Variants in FAM169A observed in about 807,000 individuals in gnomAD.
The protein encoded by FAM169A is family with sequence similarity 169 member A.
Under a neutral mutation model 75.7 loss-of-function variants are expected in FAM169A, and 24 were observed. The observed-to-expected ratio is 0.32, with a 90% CI of 0.23 to 0.45. The LOEUF (loss-of-function observed/expected upper bound fraction) is 0.45, where lower values mean the gene tolerates loss of function less well. Among genes scored for constraint, FAM169A ranks in the 20% least tolerant of loss-of-function variants. The probability of loss-of-function intolerance (pLI) is 1.00; values close to 1 mark genes in which losing one functional copy is unlikely to be tolerated. For synonymous variants in FAM169A, 271 were observed against 271.0 expected, an observed-to-expected ratio of 1.00 and a Z score of 0.00; for missense variants, 673 against 784.0, an observed-to-expected ratio of 0.86 and a Z score of 1.69.
chr5:74,813,309 A>G (rs1358471371), intron 6 of FAM169A, among the ~76,000 whole-genome samples: 1 of 151,852 alleles, frequency 6.6e-6, no homozygotes, highest in Non-Finnish European at 1.5e-5. Flanking sequence ...ATATTATGGC[A>G]TATGTTGTTT....
At position 74,801,031 on chromosome 5, in the gene FAM169A, CT is replaced by C; in HGVS notation, c.953-2del. 1 of 1,535,176 alleles carries C rather than the reference CT, an allele frequency of 6.5e-7. No individual in the cohort carries two copies. The highest frequency in any genetic ancestry group is 8.7e-7 in the Non-Finnish European group (1 of 1,143,440). ...GTGGAAACAGATGTTTTATCATGAC[CT>C]GAGGAGAAAAACAGCAAAACTGCAC... On this transcript the variant is annotated splice_acceptor_variant, in intron 9 of 12. Transcript: ENST00000687041. LOFTEE classifies it high-confidence loss of function.
chr5:74,828,497 G>A (rs1748148363), intron 5 of FAM169A, among the ~76,000 whole-genome samples: 1 of 152,114 alleles, frequency 6.6e-6, no homozygotes, highest in African/African-American at 2.4e-5. Flanking sequence ...ATACCTGAAA[G>A]TCTCCATGTG....
At chr5:74,838,310 T>C (rs995987412) in intron 4 of FAM169A, among the ~76,000 whole-genome samples, 1 of 152,108 alleles carries the variant, frequency 6.6e-6, no homozygotes, top group Non-Finnish European at 1.5e-5. Context: ...TAAATCTCAC[T>C]CTTCCAGCCA....
At chr5:74,819,646 G>C (rs1253906248) in intron 5 of FAM169A, among the ~76,000 whole-genome samples, 2 of 152,074 alleles carry the variant, frequency 1.3e-5, no homozygotes, top group Non-Finnish European at 2.9e-5. Flanking sequence ...ACAAAAAACA[G>C]AAACAACCCC....
intron 5 of FAM169A, among the ~76,000 whole-genome samples, chr5:74,819,666 T>C (rs1414446755): frequency 2.6e-5 from 4 of 152,236 alleles, no homozygotes; most frequent in African/African-American, 9.6e-5. Context: ...CAAACTGTTA[T>C]TTATCAACTG....
chr5:74,805,133 G>C, intron 7 of FAM169A, 23 bp downstream of exon 7: 1 of 1,609,388 alleles, frequency 6.2e-7, no homozygotes, highest in Non-Finnish European at 8.5e-7. Flanking sequence ...CTGAACTTAT[G>C]TTCAAACTGA....
Position 74,799,511 on chromosome 5 carries a change from T to C in FAM169A, c.1103+1369A>G. 5 of 1,581,618 alleles carry C rather than the reference T, an allele frequency of 3.2e-6. No homozygotes were observed. The South Asian group carries it at 3.3e-5, about 11-fold the overall frequency. On this transcript the variant is annotated intron_variant, in intron 10 of 12. Coordinates refer to ENST00000687041, the MANE Select transcript of FAM169A (RefSeq NM_001376049.1). ...AAACACAGAGTGTTTTCTTCCTACA[T>C]TAAAGAAGTGGATGAAAAGCTGGCC...
intron 10 of FAM169A, among the ~76,000 whole-genome samples, 169 bp downstream of exon 10, chr5:74,800,711 T>TA (rs1746527195): frequency 6.6e-6 from 1 of 151,434 alleles, no homozygotes; most frequent in South Asian, 2.1e-4. Flanking sequence ...CCTTAAATGC[T>TA]AAATACCAAA....
At chr5:74,850,901 C>A (rs1172043496) in intron 1 of FAM169A, among the ~76,000 whole-genome samples, 1 of 152,044 alleles carries the variant, frequency 6.6e-6, no homozygotes, top group Non-Finnish European at 1.5e-5. Flanking sequence ...TGCCTACTTG[C>A]ATTAGTTTTT....
At chr5:74,805,976 C>CAAAAAAAAAAAAAAAAAAAAAAAAA (rs370761667) in intron 6 of FAM169A, among the ~76,000 whole-genome samples, 2 of 85,244 alleles carry the variant, frequency 2.3e-5, no homozygotes, top group Non-Finnish European at 5.0e-5. Flanking sequence ...TTAAAAGCTC[C>CAAAAAAAAAAAAAAAAAAAAAAAAA]AAAAAAAAAA....
At chr5:74,802,845 T>C (rs1371589812) in intron 8 of FAM169A, among the ~76,000 whole-genome samples, 4 of 151,998 alleles carry the variant, frequency 2.6e-5, no homozygotes, top group African/African-American at 4.8e-5. Flanking sequence ...AACCAACTTG[T>C]AGTCCAACAA....
intron 1 of FAM169A, chr5:74,865,887 C>T (rs1750307787): frequency 6.6e-6 from 1 of 152,282 alleles, no homozygotes; most frequent in Non-Finnish European, 1.5e-5. Flanking sequence ...CGGGCATTCC[C>T]TCACACAAAA....
intron 1 of FAM169A, among the ~76,000 whole-genome samples, chr5:74,854,337 G>A (rs1580170508): frequency 6.6e-6 from 1 of 152,124 alleles, no homozygotes; most frequent in African/African-American, 2.4e-5. Flanking sequence ...GGAGGTTGCA[G>A]TGAGCCAAGA....
chr5:74,834,376 A>G, intron 5 of FAM169A, 50 bp downstream of exon 5: 1 of 1,212,608 alleles, frequency 8.2e-7, no homozygotes, highest in South Asian at 2.5e-5. Flanking sequence ...GGAGGGGTCT[A>G]AAATAGAGAT....
intron 2 of FAM169A, 100 bp from the exon 3 acceptor site, chr5:74,840,273 TTTTAA>T: frequency 2.0e-6 from 1 of 492,152 alleles, no homozygotes; most frequent in Non-Finnish European, 3.6e-6. Context: ...CCTACGTTAA[TTTTAA>T]TTTATTTTAT....
chr5:74,852,428 C>A (rs1305341244), intron 1 of FAM169A, among the ~76,000 whole-genome samples: 1 of 152,068 alleles, frequency 6.6e-6, no homozygotes, highest in African/African-American at 2.4e-5. Context: ...GAAGAAGGTA[C>A]AAGAGACAGT....
chr5:74,838,362 A>G (rs1748679480), intron 4 of FAM169A, among the ~76,000 whole-genome samples: 1 of 152,032 alleles, frequency 6.6e-6, no homozygotes. Context: ...GCCTCCTCAA[A>G]TATGTTACAT....
At chr5:74,810,338 C>T (rs1244516060) in intron 6 of FAM169A, among the ~76,000 whole-genome samples, 1 of 151,982 alleles carries the variant, frequency 6.6e-6, no homozygotes, top group Non-Finnish European at 1.5e-5. Context: ...GGGACTGGTG[C>T]ACAAAGGGAA....
chr5:74,854,592 C>T (rs997088848), intron 1 of FAM169A, among the ~76,000 whole-genome samples: 3 of 152,130 alleles, frequency 2.0e-5, no homozygotes, highest in African/African-American at 7.2e-5. Flanking sequence ...ACCAGACTCA[C>T]TTCCTCCCAC....
Sources: allele counts gnomAD v4.1 joint callset (sites outside exome capture counted in the v4.1 genomes callset), GRCh38; gene constraint gnomAD v4.1.1; transcripts MANE v1.5; gene names NCBI Gene and HGNC (gene_info 2026-07-23, HGNC 2026-07-21).